SSPN: variants seen among roughly 807,000 people sequenced by gnomAD.
SSPN encodes the protein K-ras oncogene-associated protein.
Under a neutral mutation model 19.1 loss-of-function variants are expected in SSPN, and 15 were observed. That is an observed-to-expected ratio of 0.78 (90% confidence interval 0.52 to 1.21). The LOEUF is 1.21. Ranked by LOEUF, SSPN falls within the 50% of genes most tolerant of loss-of-function variation. SSPN has a pLI of 0.00. For synonymous variants in SSPN, 147 were observed against 140.3 expected, an observed-to-expected ratio of 1.05 and a Z score of -0.34; for missense variants, 291 against 314.0, an observed-to-expected ratio of 0.93 and a Z score of 0.55.
chr12:26,146,273 T>A (rs541450611), intron 1 of SSPN, among the ~76,000 whole-genome samples: 1 of 152,192 alleles, frequency 6.6e-6, no homozygotes, highest in East Asian at 1.9e-4. Context: ...ATCATCACTT[T>A]CCAAGTTATG....
intron 1 of SSPN, among the ~76,000 whole-genome samples, chr12:26,145,419 G>C (rs920437107): frequency 6.6e-6 from 1 of 152,190 alleles, no homozygotes; most frequent in Non-Finnish European, 1.5e-5. Flanking sequence ...TCAGGAATGG[G>C]CCCACCCTTA....
At chr12:26,148,022 C>G (rs374029018) in intron 1 of SSPN, among the ~76,000 whole-genome samples, 114 of 152,132 alleles carry the variant, frequency 7.5e-4, no homozygotes, top group African/African-American at 2.6e-3. Context: ...CAGACATGGC[C>G]GGGGATTTTT....
intron 1 of SSPN, among the ~76,000 whole-genome samples, chr12:26,181,750 T>C (rs1944719828): frequency 6.6e-6 from 1 of 152,218 alleles, no homozygotes; most frequent in Non-Finnish European, 1.5e-5. Context: ...ATGCAGCACG[T>C]TGATGCCTGT....
intron 1 of SSPN, among the ~76,000 whole-genome samples, chr12:26,145,796 G>A (rs879515036): frequency 2.6e-5 from 4 of 152,184 alleles, no homozygotes; most frequent in Non-Finnish European, 4.4e-5. Flanking sequence ...GCCCCTCTGA[G>A]TAATGCTTCT....
In SSPN at chr12:26,162,497, T is replaced by C. The variant is rs575401388; in HGVS notation, c.-31+40345T>C. 5.9e-5 allele frequency among the ~76,000 whole-genome samples: 9 copies of C among 152,328 alleles called. No homozygotes were observed. The South Asian group carries it at 1.0e-3, about 18-fold the overall frequency. The stretch of plus-strand genomic sequence containing the variant: ...ATTCTGTCTAGACATGGATAACTGG[T>C]TACTAGAGATCTCTTCCCCAGTAGC... On this transcript the variant is annotated intron_variant, in intron 1 of 2. Coordinates refer to the SSPN transcript ENST00000538142.
chr12:26,225,004 C>T (rs1945162487), intron 2 of SSPN, among the ~76,000 whole-genome samples: 1 of 152,108 alleles, frequency 6.6e-6, no homozygotes, highest in South Asian at 2.1e-4. Flanking sequence ...AAAGACACTA[C>T]CTTTCAGAGT....
intron 1 of SSPN, among the ~76,000 whole-genome samples, chr12:26,213,001 CT>C (rs1369899730): frequency 2.0e-5 from 3 of 151,786 alleles, no homozygotes; most frequent in African/African-American, 4.8e-5. Flanking sequence ...ATTTGCGCCC[CT>C]ATTACTTCTG....
Position 26,124,253 on chromosome 12 carries a change from GC to G in SSPN, c.-31+2109del, listed in dbSNP as rs5797164. The G allele has an allele frequency of 4.0e-4, 313 of 787,118 alleles. 1 individual carries two copies. The highest frequency in any genetic ancestry group is 2.2e-3 in the African/African-American group (115 of 53,428). 48.8% of individuals were successfully genotyped at this position (787,118 alleles called of 1,614,324 possible). On this transcript the variant is annotated intron_variant, in intron 1 of 2. Transcript: ENST00000538142. ...CACTTATTGGATATTACCCTCGTCT[GC>G]CCCCCCCGCCCCCCCACCATAAAAC...
chr12:26,122,894 C>T (rs61754129), intron 1 of SSPN: 1 of 1,550,800 alleles, frequency 6.4e-7, no homozygotes, highest in Admixed American at 1.9e-5. Context: ...GCTTCTGCCC[C>T]GCGCGCTCCA....
chr12:26,208,514 C>CT (rs1421749441), intron 1 of SSPN, among the ~76,000 whole-genome samples: 6 of 151,834 alleles, frequency 4.0e-5, no homozygotes, highest in Non-Finnish European at 7.4e-5. Context: ...CTACAAATAT[C>CT]TTTTTCTGGT....
At chr12:26,201,015 A>ATATATATATATATATATATATATATAT (rs1944873184) in intron 1 of SSPN, among the ~76,000 whole-genome samples, 5 of 49,588 alleles carry the variant, frequency 1.0e-4, no homozygotes, top group African/African-American at 4.3e-4. Flanking sequence ...ATTTGTGTAT[A>ATATATATATATATATATATATATATAT]TATATATATA....
At chr12:26,173,279 G>T (rs1304918614) in intron 1 of SSPN, among the ~76,000 whole-genome samples, 2 of 152,080 alleles carry the variant, frequency 1.3e-5, no homozygotes, top group Non-Finnish European at 2.9e-5. Flanking sequence ...GGCCTGTAAG[G>T]GTGTCGTTCT....
In SSPN at chr12:26,179,946, A is replaced by C. The variant is rs557133359; in HGVS notation, c.-30-44347A>C. 3 of 48,682 alleles carry C rather than the reference A, an allele frequency of 6.2e-5. No homozygotes were observed. In the East Asian group the frequency reaches 1.8e-3, roughly 30 times the overall value. The allele number at this position is 48,682 out of a possible 1,614,324, so 3.0% of individuals were successfully genotyped here. A position where few individuals can be genotyped will look rare whatever the true frequency, so the allele number is the denominator to read the frequency against. ...TTTTTTTTTTTTTTTTTTTTTTTGC[A>C]GGGCCATAGTGAAATATTTACTTAG... On this transcript the variant is annotated intron_variant, in intron 1 of 2. Coordinates refer to the SSPN transcript ENST00000538142.
chr12:26,186,054 G>A (rs1435511741), intron 1 of SSPN, among the ~76,000 whole-genome samples: 2 of 152,176 alleles, frequency 1.3e-5, no homozygotes, highest in Non-Finnish European at 2.9e-5. Context: ...GAAATAAAAT[G>A]AAAAGGCAAA....
chr12:26,122,631 C>A (rs1387397479), intron 1 of SSPN: 8 of 1,241,456 alleles, frequency 6.4e-6, no homozygotes, highest in African/African-American at 1.6e-5. Context: ...CGCCGCGCCG[C>A]CCCCCGGGCC....
At chr12:26,155,888 C>T (rs780907201) in intron 1 of SSPN, among the ~76,000 whole-genome samples, 1 of 152,110 alleles carries the variant, frequency 6.6e-6, no homozygotes, top group Non-Finnish European at 1.5e-5. Context: ...ATAGAGCTGG[C>T]AGGTAGAGGA....
At chr12:26,192,614 A>G (rs557056772), upstream of SSPN, among the ~76,000 whole-genome samples, 3 of 152,316 alleles carry the variant, frequency 2.0e-5, no homozygotes, top group East Asian at 5.8e-4. Flanking sequence ...TGTTATTACC[A>G]AAGACCAGGC....
intron 1 of SSPN, among the ~76,000 whole-genome samples, chr12:26,134,021 G>A (rs1448126260): frequency 6.6e-6 from 1 of 152,114 alleles, no homozygotes; most frequent in African/African-American, 2.4e-5. Context: ...TCATTCTCTT[G>A]ATCAAAACTC....
intron 1 of SSPN, among the ~76,000 whole-genome samples, chr12:26,137,299 A>G (rs1235094289): frequency 1.3e-5 from 2 of 152,194 alleles, no homozygotes; most frequent in Non-Finnish European, 2.9e-5. Context: ...TGTGTGCACA[A>G]TGGCCTCCCA....
Sources: allele counts gnomAD v4.1 joint callset (sites outside exome capture counted in the v4.1 genomes callset), GRCh38; gene constraint gnomAD v4.1.1; transcripts MANE v1.5; gene names NCBI Gene and HGNC (gene_info 2026-07-23, HGNC 2026-07-21).